The following ZFHX3 variants were observed in gnomAD, a reference collection of about 807,000 sequenced individuals.
The protein encoded by ZFHX3 is zinc finger homeobox protein 3.
In ZFHX3, 42 loss-of-function variants were observed where a neutral mutation model predicts 279.1. The ratio of observed to expected loss-of-function variants is 0.15; its 90% confidence interval spans 0.12 to 0.19. The LOEUF is 0.19. ZFHX3 is among the 10% of genes least tolerant of loss of function. The probability of loss-of-function intolerance (pLI) is 1.00; values close to 1 mark genes in which losing one functional copy is unlikely to be tolerated. For synonymous variants in ZFHX3, 2,293 were observed against 1,957.8 expected, an observed-to-expected ratio of 1.17 and a Z score of -4.52; for missense variants, 4,981 against 4,754.0, an observed-to-expected ratio of 1.05 and a Z score of -1.40.
intron 1 of ZFHX3, among the ~76,000 whole-genome samples, chr16:73,054,442 A>ATTT (rs34141418): frequency 1.8e-4 from 17 of 91,924 alleles, no homozygotes; most frequent in South Asian, 3.4e-4. Context: ...AACCAGGAGG[A>ATTT]TTTTTTTTTT....
At chr16:73,582,260 G>T (rs1036754573) in intron 2 of ZFHX3, among the ~76,000 whole-genome samples, 1 of 151,754 alleles carries the variant, frequency 6.6e-6, no homozygotes, top group Non-Finnish European at 1.5e-5. Context: ...CTACCATGGC[G>T]AAGTGGGAAC....
intron 2 of ZFHX3, among the ~76,000 whole-genome samples, chr16:73,520,554 A>T (rs1243725476): frequency 6.6e-6 from 1 of 152,176 alleles, no homozygotes; most frequent in Non-Finnish European, 1.5e-5. Flanking sequence ...GCACCTTCAA[A>T]TTCTCCATCT....
At chr16:73,717,422 G>C (rs927500618) in intron 1 of ZFHX3, among the ~76,000 whole-genome samples, 8 of 152,086 alleles carry the variant, frequency 5.3e-5, no homozygotes, top group African/African-American at 1.7e-4. Flanking sequence ...CTCCTCACTG[G>C]TCACTGGAGG....
At chr16:73,257,520 T>C (rs996085207) in intron 4 of ZFHX3, among the ~76,000 whole-genome samples, 5 of 152,234 alleles carry the variant, frequency 3.3e-5, no homozygotes, top group South Asian at 2.1e-4. Flanking sequence ...TACAACCTCA[T>C]TTCAAATGAA....
intron 2 of ZFHX3, among the ~76,000 whole-genome samples, chr16:73,555,590 G>A (rs1011968017): frequency 6.6e-6 from 1 of 151,988 alleles, no homozygotes; most frequent in African/African-American, 2.4e-5. Flanking sequence ...CAGCACTTTG[G>A]TAGGCCAAGA....
At chr16:72,949,670 G>C (rs750238320) in intron 3 of ZFHX3, among the ~76,000 whole-genome samples, 2 of 151,776 alleles carry the variant, frequency 1.3e-5, no homozygotes, top group Non-Finnish European at 2.9e-5. Context: ...CAGAGGAAGA[G>C]GGGGAGGATG....
chr16:73,349,848 C>T (rs1411206317), intron 3 of ZFHX3, among the ~76,000 whole-genome samples: 2 of 142,906 alleles, frequency 1.4e-5, no homozygotes, highest in African/African-American at 5.5e-5. Context: ...TTCCTTCTTC[C>T]CTCCCTCTCT....
chr16:73,147,844 C>T (rs2144842212), intron 5 of ZFHX3, among the ~76,000 whole-genome samples: 1 of 152,244 alleles, frequency 6.6e-6, no homozygotes, highest in East Asian at 1.9e-4. Context: ...TGCACTCCAG[C>T]CTCGGTGACA....
At chr16:73,528,256 G>C (rs1013652627) in intron 2 of ZFHX3, among the ~76,000 whole-genome samples, 2 of 152,166 alleles carry the variant, frequency 1.3e-5, no homozygotes, top group Non-Finnish European at 2.9e-5. Context: ...GGAAGATGTA[G>C]CATCATTATC....
chr16:73,377,335 C>G (rs1023196706), intron 3 of ZFHX3, among the ~76,000 whole-genome samples: 6 of 152,080 alleles, frequency 3.9e-5, no homozygotes, highest in Admixed American at 2.6e-4. Context: ...CTCTGTCCCC[C>G]ACATGTGACC....
intron 6 of ZFHX3, among the ~76,000 whole-genome samples, chr16:73,133,158 T>TA (rs1966724490): frequency 6.6e-6 from 1 of 152,216 alleles, no homozygotes; most frequent in African/African-American, 2.4e-5. Flanking sequence ...AACTGAGTGT[T>TA]ACGGTGGAAT....
chr16:73,417,807 T>TA (rs1446564694), intron 3 of ZFHX3, among the ~76,000 whole-genome samples: 1 of 150,306 alleles, frequency 6.7e-6, no homozygotes, highest in Non-Finnish European at 1.5e-5. Flanking sequence ...CCCGTCTCTA[T>TA]AAAAAATAAA....
At chr16:73,550,617 A>G (rs2020189543) in intron 2 of ZFHX3, among the ~76,000 whole-genome samples, 1 of 152,156 alleles carries the variant, frequency 6.6e-6, no homozygotes, top group Non-Finnish European at 1.5e-5. Flanking sequence ...TTGTGGATGA[A>G]GTGGTCTGGC....
At chr16:73,136,927 C>T (rs369092890) in intron 6 of ZFHX3, among the ~76,000 whole-genome samples, 14 of 150,500 alleles carry the variant, frequency 9.3e-5, no homozygotes, top group African/African-American at 3.2e-4. Context: ...AAGCCTCCTG[C>T]CTACTAGATA....
At chr16:73,312,188 GA>G (rs1387744894) in intron 4 of ZFHX3, among the ~76,000 whole-genome samples, 4 of 152,102 alleles carry the variant, frequency 2.6e-5, no homozygotes, top group Non-Finnish European at 5.9e-5. Context: ...TGTGTCACGT[GA>G]CAAAAGGATG....
chr16:73,141,696 C>G (rs928135177), intron 6 of ZFHX3, among the ~76,000 whole-genome samples: 1 of 152,180 alleles, frequency 6.6e-6, no homozygotes, highest in African/African-American at 2.4e-5. Context: ...TCACATCATG[C>G]TCAGCTAAAT....
At chr16:72,915,251 T>TA in intron 3 of ZFHX3, among the ~76,000 whole-genome samples, 2 of 152,250 alleles carry the variant, frequency 1.3e-5, no homozygotes, top group East Asian at 1.9e-4. Context: ...AATTTGCCTT[T>TA]AAAAAAATGA....
chr16:73,645,611 A>G (rs566735014), intron 2 of ZFHX3, among the ~76,000 whole-genome samples: 33 of 152,312 alleles, frequency 2.2e-4, no homozygotes, highest in African/African-American at 7.5e-4. Context: ...TGATGAGAGG[A>G]TTATACATAT....
intron 5 of ZFHX3, among the ~76,000 whole-genome samples, chr16:73,249,769 G>A (rs937132245): frequency 6.3e-4 from 94 of 149,538 alleles, no homozygotes; most frequent in African/African-American, 2.3e-3. Flanking sequence ...ATATAAGTAA[G>A]AAAAAAAACC....
Sources: gnomAD v4.1 joint callset for allele counts (sites outside exome capture counted in the v4.1 genomes callset) on GRCh38, gnomAD v4.1.1 for gene constraint, MANE v1.5 for transcripts, NCBI Gene and HGNC (gene_info 2026-07-23, HGNC 2026-07-21) for gene names.